The following SAE1 variants were observed in gnomAD, a reference collection of about 807,000 sequenced individuals.
The protein encoded by SAE1 is SUMO-activating enzyme subunit 1.
A neutral mutation model predicts 40.6 loss-of-function variants in SAE1; 11 were observed. That is an observed-to-expected ratio of 0.27 (90% confidence interval 0.17 to 0.45). The LOEUF (loss-of-function observed/expected upper bound fraction) is 0.45. SAE1 is among the 20% of genes least tolerant of loss of function. The probability of loss-of-function intolerance (pLI) is 1.00; values close to 1 mark genes in which losing one functional copy is unlikely to be tolerated. For synonymous variants in SAE1, 155 were observed against 154.3 expected (o/e 1.00, Z -0.03); for missense variants, 373 against 427.3 (o/e 0.87, Z 1.12).
intron 6 of SAE1, among the ~76,000 whole-genome samples, chr19:47,188,643 G>A (rs982057497): frequency 1.3e-5 from 2 of 152,128 alleles, no homozygotes; most frequent in African/African-American, 4.8e-5. Context: ...TACATGTATT[G>A]GTTCATTTAA....
chr19:47,176,483 A>AT (rs1423776614), intron 6 of SAE1, among the ~76,000 whole-genome samples: 3 of 152,150 alleles, frequency 2.0e-5, no homozygotes, highest in African/African-American at 7.2e-5. Flanking sequence ...ATAAATAAAT[A>AT]TTTTTTGCAT....
chr19:47,155,317 G>A, intron 5 of SAE1, 104 bp downstream of exon 5: 2 of 743,338 alleles, frequency 2.7e-6, no homozygotes, highest in South Asian at 1.7e-5. Context: ...AAGGGGTGGG[G>A]CGGGTGCTTG....
Position 47,200,399 on chromosome 19 carries a change from ATTTTTTT to A in SAE1, c.878+3040_878+3046del, listed in dbSNP as rs35657499. ...AGGCGTGTACTACCAAGCCTGCCTA[ATTTTTTT>A]TTTTTTTTTTTTTTTTTGTATTGAC... On this transcript the variant is annotated intron_variant, in intron 7 of 8. Coordinates refer to ENST00000270225, the MANE Select transcript of SAE1 (RefSeq NM_005500.3). 9.0e-4 allele frequency among the ~76,000 whole-genome samples: 92 copies of A among 102,554 alleles called. 1 individual carries two copies. The highest frequency in any genetic ancestry group is 2.2e-3 in the African/African-American group (53 of 23,938). The allele number at this position is 102,554 out of a possible 152,430, so 67.3% of individuals were successfully genotyped here.
chr19:47,207,350 G>T (rs2058691680), intron 8 of SAE1, among the ~76,000 whole-genome samples: 1 of 152,146 alleles, frequency 6.6e-6, no homozygotes, highest in African/African-American at 2.4e-5. Context: ...AAAGGGTTTG[G>T]TGCTGAGTTT....
intron 6 of SAE1, among the ~76,000 whole-genome samples, chr19:47,191,802 TC>T (rs1378399387): frequency 2.0e-5 from 3 of 151,976 alleles, no homozygotes; most frequent in African/African-American, 7.3e-5. Flanking sequence ...ACACCTGTAA[TC>T]CCAGCACTTT....
At chr19:47,195,978 C>T (rs1237360285) in intron 6 of SAE1, among the ~76,000 whole-genome samples, 1 of 151,000 alleles carries the variant, frequency 6.6e-6, no homozygotes, top group East Asian at 1.9e-4. Context: ...AAGCGATCCT[C>T]ACGCCTTGGC....
chr19:47,143,641 G>T, intron 2 of SAE1, 36 bp downstream of exon 2: 1 of 1,481,440 alleles, frequency 6.8e-7, no homozygotes, highest in Non-Finnish European at 9.4e-7. Flanking sequence ...CCCTGCTCTG[G>T]CTCCCCTTTC....
intron 6 of SAE1, among the ~76,000 whole-genome samples, chr19:47,173,706 A>G (rs2058449337): frequency 6.6e-6 from 1 of 151,822 alleles, no homozygotes; most frequent in Admixed American, 6.6e-5. Context: ...TCCAGACACC[A>G]CTGCCACATG....
At chr19:47,200,631 T>C (rs1356825274) in intron 7 of SAE1, among the ~76,000 whole-genome samples, 2 of 152,158 alleles carry the variant, frequency 1.3e-5, no homozygotes, top group African/African-American at 4.8e-5. Flanking sequence ...GCCTTGGCTT[T>C]CCAAAACTTC....
At chr19:47,131,332 G>A (rs1009997095) in intron 1 of SAE1, among the ~76,000 whole-genome samples, 1 of 152,070 alleles carries the variant, frequency 6.6e-6, no homozygotes, top group African/African-American at 2.4e-5. Flanking sequence ...TGATTGTGGG[G>A]TTTGATCGCG....
intron 6 of SAE1, among the ~76,000 whole-genome samples, chr19:47,184,733 G>A (rs933340162): frequency 3.9e-5 from 6 of 151,992 alleles, no homozygotes; most frequent in Admixed American, 6.6e-5. Flanking sequence ...ATTTTTTTAC[G>A]TAGGAGAGCT....
chr19:47,197,728 C>T (rs2058625393), intron 7 of SAE1, among the ~76,000 whole-genome samples: 1 of 152,202 alleles, frequency 6.6e-6, no homozygotes, highest in Non-Finnish European at 1.5e-5. Flanking sequence ...TCCACAGCTC[C>T]TTAGTATTCT....
intron 6 of SAE1, among the ~76,000 whole-genome samples, chr19:47,170,529 C>T (rs961171146): frequency 2.9e-5 from 3 of 103,878 alleles, no homozygotes; most frequent in Admixed American, 1.3e-4. Context: ...TTTTTTGAGA[C>T]AGAGTCTTGC....
chr19:47,206,017 C>G (rs1328001083), intron 8 of SAE1, among the ~76,000 whole-genome samples: 1 of 152,218 alleles, frequency 6.6e-6, no homozygotes, highest in Non-Finnish European at 1.5e-5. Context: ...TTCTGCACAT[C>G]CCATTGAGGG....
intron 1 of SAE1, among the ~76,000 whole-genome samples, chr19:47,135,829 T>G (rs1387531461): frequency 6.6e-6 from 1 of 151,686 alleles, no homozygotes; most frequent in Non-Finnish European, 1.5e-5. Flanking sequence ...AGTCTCGCCG[T>G]GTCGCCTAGG....
In SAE1 at chr19:47,200,399, A is replaced by ATT. The variant is rs35657499; in HGVS notation, c.878+3045_878+3046dup. Among the ~76,000 whole-genome samples the ATT allele has an allele frequency of 3.7e-3, 381 of 102,528 alleles. 7 individuals carry two copies. The highest frequency in any genetic ancestry group is 0.013 in the African/African-American group (318 of 23,920). The allele number at this position is 102,528 out of a possible 152,430, so 67.3% of individuals were successfully genotyped here. ...AGGCGTGTACTACCAAGCCTGCCTAATTTTTTTTTTTTTTTTTTTTTTTTG... is the reference window on the plus strand; with the variant it reads ...AGGCGTGTACTACCAAGCCTGCCTAATTTTTTTTTTTTTTTTTTTTTTTTTTG... On this transcript the variant is annotated intron_variant, in intron 7 of 8. Coordinates refer to ENST00000270225, the MANE Select transcript of SAE1 (RefSeq NM_005500.3).
At chr19:47,193,685 G>A (rs1157954456) in intron 6 of SAE1, among the ~76,000 whole-genome samples, 1 of 151,518 alleles carries the variant, frequency 6.6e-6, no homozygotes, top group East Asian at 1.9e-4. Flanking sequence ...AAATTAGCTG[G>A]GTGTGGCTGC....
rs549593263 is a variant in SAE1 at position 47,167,540 on chromosome 19, A to T, written c.628-2278A>T. Among the ~76,000 whole-genome samples the T allele has an allele frequency of 1.6e-4, 24 of 152,260 alleles. No homozygotes were observed. The South Asian group carries it at 5.0e-3, about 32-fold the overall frequency. On this transcript the variant is annotated intron_variant, in intron 5 of 8. Coordinates refer to ENST00000270225, the MANE Select transcript of SAE1 (RefSeq NM_005500.3). Reference sequence around the variant, plus strand: ...CAGGTGTGAGCCACTGCGCCCAGCCAACAATTTGAACTTTTATCTGTCAAA... The same window carrying T: ...CAGGTGTGAGCCACTGCGCCCAGCCTACAATTTGAACTTTTATCTGTCAAA...
chr19:47,181,639 T>G (rs2058507030), intron 6 of SAE1, among the ~76,000 whole-genome samples: 1 of 151,230 alleles, frequency 6.6e-6, no homozygotes, highest in South Asian at 2.1e-4. Flanking sequence ...CCACCACACC[T>G]GGCTAATTTT....
Sources: allele counts gnomAD v4.1 joint callset (sites outside exome capture counted in the v4.1 genomes callset), GRCh38; gene constraint gnomAD v4.1.1; transcripts MANE v1.5; gene names NCBI Gene and HGNC (gene_info 2026-07-23, HGNC 2026-07-21).